The following DNAH11 variants were observed in gnomAD, a reference collection of about 807,000 sequenced individuals.
DNAH11 encodes dynein axonemal heavy chain 11.
Under a neutral mutation model 526.0 loss-of-function variants are expected in DNAH11, and 442 were observed. That is an observed-to-expected ratio of 0.84 (90% CI 0.78 to 0.91). DNAH11 has a LOEUF of 0.91. DNAH11 is among the 40% of genes least tolerant of loss of function. The probability of loss-of-function intolerance (pLI) is 0.00; values close to 1 mark genes in which losing one functional copy is unlikely to be tolerated. For synonymous variants in DNAH11, 2,461 were observed against 1,935.9 expected, an observed-to-expected ratio of 1.27 and a Z score of -7.12; for missense variants, 6,989 against 5,448.7, an observed-to-expected ratio of 1.28 and a Z score of -8.90.
chr7:21,899,324 C>T lies in DNAH11; in HGVS notation c.13050-12C>T, dbSNP rs187048874. The T allele has an allele frequency of 4.6e-4, 746 of 1,610,402 alleles. No homozygotes were observed. The highest frequency in any genetic ancestry group is 4.7e-4 in the Non-Finnish European group (548 of 1,176,580). ...GAACAGCAAGTTTTTCTTCCTCCCT[C>T]CCATAAACCAGGTTCAATGACCTCC... On this transcript the variant is annotated splice_polypyrimidine_tract_variant and intron_variant, in intron 79 of 81. Transcript: ENST00000409508.
At chr7:21,696,159 C>T (rs1783842484) in intron 35 of DNAH11, among the ~76,000 whole-genome samples, 2 of 152,168 alleles carry the variant, frequency 1.3e-5, no homozygotes, top group African/African-American at 4.8e-5. Context: ...TTCCACTTCA[C>T]ATATAATCTA....
intron 66 of DNAH11, among the ~76,000 whole-genome samples, chr7:21,847,373 A>T (rs777250352): frequency 1.3e-5 from 2 of 151,998 alleles, no homozygotes; most frequent in Non-Finnish European, 2.9e-5. Context: ...ACAAATTTTG[A>T]TATGTTGTAT....
At chr7:21,826,753 T>C (rs1479493774) in intron 65 of DNAH11, among the ~76,000 whole-genome samples, 2 of 152,260 alleles carry the variant, frequency 1.3e-5, no homozygotes, top group African/African-American at 4.8e-5. Context: ...GGAATGTCTT[T>C]ATCATGTCCT....
At chr7:21,568,096 A>G (rs1164618997) in intron 6 of DNAH11, among the ~76,000 whole-genome samples, 1 of 152,218 alleles carries the variant, frequency 6.6e-6, no homozygotes, top group African/African-American at 2.4e-5. Context: ...AAACACATGC[A>G]AAAGAATAGA....
chr7:21,836,987 A>G (rs1411696695), intron 65 of DNAH11, among the ~76,000 whole-genome samples: 1 of 152,218 alleles, frequency 6.6e-6, no homozygotes, highest in Non-Finnish European at 1.5e-5. Flanking sequence ...CAGGTACATG[A>G]AAAATATTCC....
chr7:21,680,090 C>G (rs538065985), intron 30 of DNAH11, among the ~76,000 whole-genome samples: 1 of 152,218 alleles, frequency 6.6e-6, no homozygotes, highest in South Asian at 2.1e-4. Context: ...GTTATCTCTT[C>G]CTCCCTTTCT....
chr7:21,787,940 C>T (rs1287016936), intron 60 of DNAH11, among the ~76,000 whole-genome samples: 1 of 152,170 alleles, frequency 6.6e-6, no homozygotes, highest in Non-Finnish European at 1.5e-5. Flanking sequence ...GTAGCGCCTG[C>T]TCTCAAAGCA....
Position 21,591,557 on chromosome 7 carries a change from A to G in DNAH11, c.2647A>G (p.Lys883Glu). 3 of 1,576,162 alleles carry G rather than the reference A, an allele frequency of 1.9e-6. No homozygotes were observed. The highest frequency in any genetic ancestry group is 2.6e-6 in the Non-Finnish European group (3 of 1,156,938). ...KYKLIQGDGC[K>E]IHNLVEENRK... is the part of the protein sequence containing the mutation. ...CAAGTTAATCCAAGGAGATGGCTGC[A>G]AGATCCACAACTTGGTCGAGGTAAT... The change falls in exon 14 of 82, where the codon AAG (lysine) becomes GAG (glutamate). Residue 883 changes from lysine to glutamate, a missense_variant. Coordinates refer to ENST00000409508, the MANE Select transcript of DNAH11 (RefSeq NM_001277115.2).
intron 14 of DNAH11, among the ~76,000 whole-genome samples, chr7:21,595,104 A>G (rs1203148723): frequency 6.6e-6 from 1 of 152,182 alleles, no homozygotes; most frequent in Non-Finnish European, 1.5e-5. Flanking sequence ...AACAGCAGAA[A>G]TGGTTATCTC....
At chr7:21,599,302 T>C (rs17144743) in intron 14 of DNAH11, among the ~76,000 whole-genome samples, 10,544 of 152,258 alleles carry the variant, frequency 0.069, 517 homozygotes, top group African/African-American at 0.14. Flanking sequence ...AATAGGTACA[T>C]TGTGAGTCTC....
chr7:21,549,893 C>T (rs1368534322), intron 2 of DNAH11, among the ~76,000 whole-genome samples: 1 of 152,132 alleles, frequency 6.6e-6, no homozygotes, highest in African/African-American at 2.4e-5. Context: ...CAAGGTAAAA[C>T]CTGGCAGGCA....
At chr7:21,761,680 A>G (rs1583667377) in intron 54 of DNAH11, among the ~76,000 whole-genome samples, 2 of 152,156 alleles carry the variant, frequency 1.3e-5, no homozygotes, top group East Asian at 1.9e-4. Flanking sequence ...TTCTTTGACA[A>G]CAACTGGTCT....
chr7:21,666,955 G>A (rs1228926557), intron 30 of DNAH11, among the ~76,000 whole-genome samples: 1 of 152,050 alleles, frequency 6.6e-6, no homozygotes, highest in East Asian at 1.9e-4. Flanking sequence ...TTTGAGGAAT[G>A]CTAGGAACAC....
rs755427308 is a variant in DNAH11 at position 21,543,559 on chromosome 7, G to C, written c.314G>C (p.Ser105Thr). The C allele has an allele frequency of 6.2e-7, 1 of 1,606,252 alleles. No homozygotes were observed. The highest frequency in any genetic ancestry group is 8.5e-7 in the Non-Finnish European group (1 of 1,176,388). Residue 105 changes from serine (S) to threonine (T), a missense_variant, in exon 1 of 82, where the codon AGC becomes ACC. By Grantham distance (58) the Ser-to-Thr change is moderately conservative. Transcript: ENST00000409508. Reference protein sequence around the residue: ...ESTSPACLVFSFAASGRLAAS... With the variant: ...ESTSPACLVFTFAASGRLAAS... Reference sequence around the variant, plus strand: ...ACCAGCCCGGCTTGCCTTGTGTTTAGCTTCGCCGCCTCGGGGCGCCTTGCG... The same window carrying C: ...ACCAGCCCGGCTTGCCTTGTGTTTACCTTCGCCGCCTCGGGGCGCCTTGCG...
Position 21,899,438 on chromosome 7 carries a change from C to CTTCTT in DNAH11, c.13153_13157dup (p.Leu4386PhefsTer3). ...TCTCCGGCTTCTTCAACCCTCAGTC[C>CTTCTT]TTCTTAACTGGTAAGGGCTGACGCA... On this transcript the variant is annotated frameshift_variant, in exon 80 of 82. Coordinates refer to ENST00000409508, the MANE Select transcript of DNAH11 (RefSeq NM_001277115.2). LOFTEE classifies it high-confidence loss of function. 6.2e-7 allele frequency: 1 copy of CTTCTT among 1,613,264 alleles called. No individual in the cohort carries two copies. Among genetic ancestry groups the CTTCTT allele is most frequent in the South Asian group, 1.1e-5 (1 of 91,036 alleles).
intron 65 of DNAH11, among the ~76,000 whole-genome samples, chr7:21,819,892 G>T (rs1789982148): frequency 6.6e-6 from 1 of 152,156 alleles, no homozygotes; most frequent in African/African-American, 2.4e-5. Context: ...TGTACTCTCT[G>T]TTAAGCCTTG....
intron 28 of DNAH11, among the ~76,000 whole-genome samples, chr7:21,648,506 G>A (rs747905863): frequency 6.6e-6 from 1 of 152,074 alleles, no homozygotes; most frequent in Admixed American, 6.5e-5. Flanking sequence ...ATAATGAGAT[G>A]AACATGCCCA....
At chr7:21,639,139 A>G (rs572712516) in intron 28 of DNAH11, 74 bp downstream of exon 28, 2 of 1,473,578 alleles carry the variant, frequency 1.4e-6, no homozygotes, top group East Asian at 4.7e-5. Context: ...ATCATTGTCA[A>G]ATGCTACCTG....
chr7:21,829,493 C>G (rs1790454552), intron 65 of DNAH11, among the ~76,000 whole-genome samples: 2 of 152,140 alleles, frequency 1.3e-5, no homozygotes, highest in African/African-American at 2.4e-5. Flanking sequence ...CTAATAAAGC[C>G]ACTTCTAATA....
Sources: allele counts gnomAD v4.1 joint callset (sites outside exome capture counted in the v4.1 genomes callset), GRCh38; gene constraint gnomAD v4.1.1; transcripts MANE v1.5; gene names NCBI Gene and HGNC (gene_info 2026-07-23, HGNC 2026-07-21).